SLC35F1: variants seen among roughly 807,000 people sequenced by gnomAD.
SLC35F1 encodes the protein solute carrier family 35 member F1, also known as chromosome 6 open reading frame 169.
SLC35F1 carries 14 observed loss-of-function variants against 48.7 expected under a neutral mutation model. The observed-to-expected ratio is 0.29, with a 90% CI of 0.19 to 0.45. SLC35F1 has a LOEUF of 0.45. Among genes scored for constraint, SLC35F1 ranks in the 20% least tolerant of loss-of-function variants. SLC35F1 has a pLI of 1.00. For synonymous variants in SLC35F1, 190 were observed against 202.2 expected, an observed-to-expected ratio of 0.94 and a Z score of 0.51; for missense variants, 404 against 500.0, an observed-to-expected ratio of 0.81 and a Z score of 1.83.
intron 1 of SLC35F1, among the ~76,000 whole-genome samples, chr6:118,030,197 A>G (rs1772025656): frequency 6.6e-6 from 1 of 152,210 alleles, no homozygotes; most frequent in Non-Finnish European, 1.5e-5. Flanking sequence ...ATGCAAGGCA[A>G]GAAGGATAGT....
intron 1 of SLC35F1, among the ~76,000 whole-genome samples, chr6:117,987,385 T>C (rs939696800): frequency 2.6e-5 from 4 of 151,660 alleles, no homozygotes; most frequent in South Asian, 2.1e-4. Context: ...CTTCTTTTTT[T>C]CCTCTTCCTC....
At chr6:118,258,007 A>T (rs1775667785) in intron 3 of SLC35F1, among the ~76,000 whole-genome samples, 2 of 152,088 alleles carry the variant, frequency 1.3e-5, no homozygotes, top group South Asian at 4.1e-4. Flanking sequence ...CACTCTGATT[A>T]TTTTTTTCAT....
At chr6:117,979,768 G>T (rs546063954) in intron 1 of SLC35F1, among the ~76,000 whole-genome samples, 1 of 152,260 alleles carries the variant, frequency 6.6e-6, no homozygotes, top group South Asian at 2.1e-4. Flanking sequence ...TGCTTCCATA[G>T]GATGTGCTGC....
At chr6:118,229,609 T>C (rs1030637232) in intron 2 of SLC35F1, among the ~76,000 whole-genome samples, 1 of 152,202 alleles carries the variant, frequency 6.6e-6, no homozygotes, top group African/African-American at 2.4e-5. Context: ...TAGTGCCAAA[T>C]TGTCATGAGT....
chr6:118,036,057 T>C (rs902999423), intron 1 of SLC35F1, among the ~76,000 whole-genome samples: 1 of 152,158 alleles, frequency 6.6e-6, no homozygotes, highest in African/African-American at 2.4e-5. Flanking sequence ...GCTGTTACTT[T>C]TGCTGTTTCC....
intron 1 of SLC35F1, among the ~76,000 whole-genome samples, chr6:118,089,180 GATAACCAT>G (rs1773036280): frequency 6.6e-6 from 1 of 152,162 alleles, no homozygotes; most frequent in Non-Finnish European, 1.5e-5. Flanking sequence ...ATGAGCGTTT[GATAACCAT>G]TTTTATAATT....
intron 1 of SLC35F1, among the ~76,000 whole-genome samples, chr6:118,127,183 A>G (rs1341688362): frequency 3.3e-5 from 5 of 151,640 alleles, no homozygotes; most frequent in Non-Finnish European, 7.4e-5. Flanking sequence ...GAGAGTTTTT[A>G]GCATGAAGGG....
intron 1 of SLC35F1, among the ~76,000 whole-genome samples, chr6:118,060,096 T>A: frequency 6.6e-6 from 1 of 152,176 alleles, no homozygotes; most frequent in African/African-American, 2.4e-5. Flanking sequence ...AGGAAAAACA[T>A]GGACTTTAGC....
intron 2 of SLC35F1, among the ~76,000 whole-genome samples, chr6:118,230,068 A>G (rs1183999332): frequency 1.3e-5 from 2 of 152,208 alleles, no homozygotes; most frequent in African/African-American, 4.8e-5. Flanking sequence ...TCAGCCAGGC[A>G]TGGTGGCTCT....
At chr6:117,907,972 C>T in intron 1 of SLC35F1, 73 bp downstream of exon 1, 1 of 1,256,218 alleles carries the variant, frequency 8.0e-7, no homozygotes, top group Non-Finnish European at 1.0e-6. Flanking sequence ...CCCTCCGTCC[C>T]TGGGGCGGCC....
chr6:117,910,946 G>A, intron 1 of SLC35F1, among the ~76,000 whole-genome samples: 1 of 152,200 alleles, frequency 6.6e-6, no homozygotes, highest in Non-Finnish European at 1.5e-5. Flanking sequence ...TTGCTCTCAA[G>A]AAGCTTAGAA....
chr6:117,962,838 T>C (rs533559173), intron 1 of SLC35F1, among the ~76,000 whole-genome samples: 1 of 152,334 alleles, frequency 6.6e-6, no homozygotes. Flanking sequence ...TTTGTTGCTC[T>C]GCCCACTTGC....
chr6:118,201,679 T>C (rs1324226778), intron 2 of SLC35F1, among the ~76,000 whole-genome samples: 1 of 152,244 alleles, frequency 6.6e-6, no homozygotes, highest in Non-Finnish European at 1.5e-5. Context: ...GGTTTTAGTA[T>C]GTTCACATAG....
intron 1 of SLC35F1, among the ~76,000 whole-genome samples, chr6:118,077,174 CA>C (rs1772834481): frequency 6.6e-6 from 1 of 152,200 alleles, no homozygotes; most frequent in South Asian, 2.1e-4. Flanking sequence ...GATGAACACT[CA>C]AAGGCATCCA....
intron 1 of SLC35F1, among the ~76,000 whole-genome samples, chr6:118,005,139 G>A (rs745334032): frequency 1.3e-5 from 2 of 152,136 alleles, no homozygotes; most frequent in Non-Finnish European, 2.9e-5. Context: ...GCAAGAAGAG[G>A]AGAAAAGGTA....
intron 1 of SLC35F1, among the ~76,000 whole-genome samples, chr6:117,972,546 C>T (rs1476429614): frequency 1.3e-5 from 2 of 152,186 alleles, no homozygotes; most frequent in East Asian, 1.9e-4. Context: ...AATGGACTCA[C>T]AGTTCCACAT....
At chr6:118,313,040 G>A (rs935542687) in intron 7 of SLC35F1, among the ~76,000 whole-genome samples, 14 of 151,956 alleles carry the variant, frequency 9.2e-5, no homozygotes, top group African/African-American at 3.1e-4. Flanking sequence ...GTACCTGTTC[G>A]GCCACTGAGA....
At chr6:118,223,395 A>C (rs1775176733) in intron 2 of SLC35F1, among the ~76,000 whole-genome samples, 1 of 152,156 alleles carries the variant, frequency 6.6e-6, no homozygotes, top group South Asian at 2.1e-4. Flanking sequence ...TCCTTATAGC[A>C]GTTATTTTCA....
At chr6:118,092,971 C>T (rs1019259462) in intron 1 of SLC35F1, among the ~76,000 whole-genome samples, 1 of 152,036 alleles carries the variant, frequency 6.6e-6, no homozygotes, top group Non-Finnish European at 1.5e-5. Context: ...TGGGTTAATG[C>T]CTGAATGTGC....
Sources: gnomAD v4.1 joint callset for allele counts (sites outside exome capture counted in the v4.1 genomes callset) on GRCh38, gnomAD v4.1.1 for gene constraint, MANE v1.5 for transcripts, NCBI Gene and HGNC (gene_info 2026-07-23, HGNC 2026-07-21) for gene names.